Variants in LIN7C observed in about 807,000 individuals in gnomAD.
The protein encoded by LIN7C is lin-7 cell polarity scaffold C.
A neutral mutation model predicts 24.7 loss-of-function variants in LIN7C; 17 were observed. The ratio of observed to expected loss-of-function variants is 0.69; its 90% CI spans 0.47 to 1.03. The LOEUF is 1.03. Among genes scored for constraint, LIN7C ranks in the 50% least tolerant of loss-of-function variants. LIN7C has a pLI of 0.00. For synonymous variants in LIN7C, 90 were observed against 83.4 expected (o/e 1.08, Z -0.43); for missense variants, 204 against 239.0 (o/e 0.85, Z 0.97).
chr11:27,496,355 A>G lies in LIN7C; in HGVS notation c.*2294T>C, dbSNP rs1247422472. 1 of 152,188 alleles carries G rather than the reference A, an allele frequency of 6.6e-6. No homozygotes were observed. Among genetic ancestry groups the G allele is most frequent in the East Asian group, 1.9e-4 (1 of 5,196 alleles). 9.4% of individuals were successfully genotyped at this position (152,188 alleles called of 1,614,324 possible). A position where few individuals can be genotyped will look rare whatever the true frequency, so the allele number is the denominator to read the frequency against. On this transcript the variant is annotated 3_prime_UTR_variant, in exon 5 of 5. Transcript: ENST00000278193. ...TTTACAAATCAAACATCTATCATAC[A>G]CTTACTATGTACCTAGTTTTATTCA...
At position 27,494,941 on chromosome 11, in the gene LIN7C, C is replaced by T. The variant is rs1213133170; in HGVS notation, c.*3708G>A. The T allele has an allele frequency of 2.0e-5, 3 of 152,512 alleles. No individual in the cohort carries two copies. The highest frequency in any genetic ancestry group is 6.5e-5 in the Admixed American group (1 of 15,282). 9.4% of individuals were successfully genotyped at this position (152,512 alleles called of 1,614,324 possible). A position where few individuals can be genotyped will look rare whatever the true frequency, so the allele number is the denominator to read the frequency against. On this transcript the variant is annotated 3_prime_UTR_variant, in exon 5 of 5. Transcript: ENST00000278193. Reference sequence around the variant, plus strand: ...TTCAGGAAATACAATTACTAGAATCCTTGATATTTCAATGATCATTCCACA... The same window carrying T: ...TTCAGGAAATACAATTACTAGAATCTTTGATATTTCAATGATCATTCCACA...
chr11:27,504,058 T>C (rs762177934), intron 1 of LIN7C, among the ~76,000 whole-genome samples: 1 of 152,172 alleles, frequency 6.6e-6, no homozygotes, highest in African/African-American at 2.4e-5. Flanking sequence ...CCTCAAGTGA[T>C]CTGCTTGCCT....
In LIN7C at chr11:27,498,340, T is replaced by A. The variant is rs1450016294; in HGVS notation, c.*309A>T. 4.8e-6 allele frequency: 1 copy of A among 209,098 alleles called. No individual in the cohort carries two copies. The highest frequency in any genetic ancestry group is 9.4e-6 in the Non-Finnish European group (1 of 106,906). 13.0% of individuals were successfully genotyped at this position (209,098 alleles called of 1,614,324 possible). On this transcript the variant is annotated 3_prime_UTR_variant, in exon 5 of 5. Transcript: ENST00000278193. ...AAAAGATTAAGAATGTAAAAGTACA[T>A]TTTAATATTAAAAAAGCATTTTAAA...
rs1865179877 is a variant in LIN7C, at chr11:27,497,155, G to C, written c.*1494C>G. 1 of 152,426 alleles carries C rather than the reference G, an allele frequency of 6.6e-6. No homozygotes were observed. Among genetic ancestry groups the C allele is most frequent in the African/African-American group, 2.4e-5 (1 of 41,410 alleles). The allele number at this position is 152,426 out of a possible 1,614,324, so 9.4% of individuals were successfully genotyped here. A position where few individuals can be genotyped will look rare whatever the true frequency, so the allele number is the denominator to read the frequency against. On this transcript the variant is annotated 3_prime_UTR_variant, in exon 5 of 5. Transcript: ENST00000278193. ...AACAATGCTGATTGACTTTTATTTTGAAAAATCATTGAAAACTGGAATAAT... is the reference window on the plus strand; with the variant it reads ...AACAATGCTGATTGACTTTTATTTTCAAAAATCATTGAAAACTGGAATAAT...
intron 1 of LIN7C, among the ~76,000 whole-genome samples, chr11:27,503,501 G>A (rs1188034149): frequency 6.6e-6 from 1 of 152,072 alleles, no homozygotes; most frequent in Non-Finnish European, 1.5e-5. Flanking sequence ...ATGAATAAAT[G>A]TAGTAAAGAA....
rs961938027 is a variant in LIN7C at position 27,496,618 on chromosome 11, G to A, written c.*2031C>T. On this transcript the variant is annotated 3_prime_UTR_variant, in exon 5 of 5. Coordinates refer to ENST00000278193, the MANE Select transcript of LIN7C (RefSeq NM_018362.4). ...ACCCTTATTTTAAGAATTATAAATA[G>A]GTGTCAACCCACACAAAGAACAGAT... The A allele has an allele frequency of 8.5e-5, 13 of 152,074 alleles. No homozygotes were observed. Among genetic ancestry groups the A allele is most frequent in the African/African-American group, 3.1e-4 (13 of 41,414 alleles). 9.4% of individuals were successfully genotyped at this position (152,074 alleles called of 1,614,324 possible).
chr11:27,498,564 A>G lies in LIN7C; in HGVS notation c.*85T>C. 1.6e-6 allele frequency: 2 copies of G among 1,229,318 alleles called. No homozygotes were observed. Among genetic ancestry groups the G allele is most frequent in the South Asian group, 2.8e-5 (2 of 71,790 alleles). The allele number at this position is 1,229,318 out of a possible 1,614,324, so 76.2% of individuals were successfully genotyped here. A position where few individuals can be genotyped will look rare whatever the true frequency, so the allele number is the denominator to read the frequency against. Reference sequence around the variant, plus strand: ...TGATAAATTTGTTTGTTTTCTTACAATCATTGGCATTGCAGCCATTAGTAA... The same window carrying G: ...TGATAAATTTGTTTGTTTTCTTACAGTCATTGGCATTGCAGCCATTAGTAA... On this transcript the variant is annotated 3_prime_UTR_variant, in exon 5 of 5. Transcript: ENST00000278193.
rs773058869 is a variant in LIN7C, at chr11:27,498,752, T to C, written c.491A>G (p.Gln164Arg). 5 of 1,613,944 alleles carry C rather than the reference T, an allele frequency of 3.1e-6. No individual in the cohort carries two copies. Among genetic ancestry groups the C allele is most frequent in the African/African-American group, 1.3e-5 (1 of 74,904 alleles). Residue 164 changes from glutamine (Q) to arginine (R), a missense_variant, in exon 5 of 5, where the codon CAA becomes CGA. By Grantham distance (43) the Gln-to-Arg change is conservative. Coordinates refer to ENST00000278193, the MANE Select transcript of LIN7C (RefSeq NM_018362.4). ...TCGTACCACTAATTTAACCTTTCCTTGTGCGGCTTTCAGCAGTTCTACAGC... is the reference window on the plus strand; with the variant it reads ...TCGTACCACTAATTTAACCTTTCCTCGTGCGGCTTTCAGCAGTTCTACAGC... Reference protein sequence around the residue: ...EKAVELLKAAQGKVKLVVRYT... With the variant: ...EKAVELLKAARGKVKLVVRYT...
intron 3 of LIN7C, among the ~76,000 whole-genome samples, chr11:27,499,999 G>A (rs1317698749): frequency 1.3e-5 from 2 of 152,190 alleles, no homozygotes; most frequent in African/African-American, 4.8e-5. Context: ...ATTCACTGGT[G>A]ATTCTGAGAA....
In LIN7C at chr11:27,498,634, A is replaced by C; in HGVS notation, c.*15T>G. 6.2e-7 allele frequency: 1 copy of C among 1,600,448 alleles called. No individual in the cohort carries two copies. The highest frequency in any genetic ancestry group is 8.5e-7 in the Non-Finnish European group (1 of 1,173,840). ...TAGCTAAAACGCAAAATGAAATATC[A>C]AGTTTTGAAATGTATTAGGTCTGTT... On this transcript the variant is annotated 3_prime_UTR_variant, in exon 5 of 5. Coordinates refer to ENST00000278193, the MANE Select transcript of LIN7C (RefSeq NM_018362.4).
rs1256154329 is a variant in LIN7C, at chr11:27,495,676, C to T, written c.*2973G>A. On this transcript the variant is annotated 3_prime_UTR_variant, in exon 5 of 5. Coordinates refer to ENST00000278193, the MANE Select transcript of LIN7C (RefSeq NM_018362.4). ...CACGTATTTTTGTAAGTTTTAAAGG[C>T]AAAGGGGGCAGAATGATGACAGACA... is the stretch of plus-strand genomic sequence containing the variant. The T allele has an allele frequency of 1.4e-5, 2 of 148,036 alleles. No homozygotes were observed. Among genetic ancestry groups the T allele is most frequent in the African/African-American group, 2.5e-5 (1 of 39,882 alleles). The allele number at this position is 148,036 out of a possible 1,614,324, so 9.2% of individuals were successfully genotyped here.
chr11:27,503,055 C>T (rs1207311727), intron 1 of LIN7C, among the ~76,000 whole-genome samples: 1 of 152,142 alleles, frequency 6.6e-6, no homozygotes, highest in Non-Finnish European at 1.5e-5. Context: ...GTGGAGGTTG[C>T]AGTGAGCTGA....
chr11:27,502,818 A>C (rs1024706760), intron 1 of LIN7C, among the ~76,000 whole-genome samples: 1 of 152,252 alleles, frequency 6.6e-6, no homozygotes, highest in African/African-American at 2.4e-5. Context: ...CCAATTAATC[A>C]TAAGAAATAT....
intron 1 of LIN7C, among the ~76,000 whole-genome samples, chr11:27,502,808 C>T (rs1865238472): frequency 6.6e-6 from 1 of 152,262 alleles, no homozygotes; most frequent in East Asian, 1.9e-4. Flanking sequence ...TACATTGGTA[C>T]CAATTAATCA....
At position 27,494,530 on chromosome 11, in the gene LIN7C, A is replaced by G. The variant is rs1476087045; in HGVS notation, c.*4119T>C. ...TACATACCTTTCATAAACGTTATCTATTGTGTAGTTATATCAACTTTTTTC... is the reference window on the plus strand; with the variant it reads ...TACATACCTTTCATAAACGTTATCTGTTGTGTAGTTATATCAACTTTTTTC... On this transcript the variant is annotated 3_prime_UTR_variant, in exon 5 of 5. Coordinates refer to ENST00000278193, the MANE Select transcript of LIN7C (RefSeq NM_018362.4). The G allele has an allele frequency of 6.6e-6, 1 of 152,208 alleles. No homozygotes were observed. Among genetic ancestry groups the G allele is most frequent in the Non-Finnish European group, 1.5e-5 (1 of 68,030 alleles). 9.4% of individuals were successfully genotyped at this position (152,208 alleles called of 1,614,324 possible).
chr11:27,500,325 A>G (rs1865212228), intron 3 of LIN7C, among the ~76,000 whole-genome samples: 1 of 152,186 alleles, frequency 6.6e-6, no homozygotes, highest in Non-Finnish European at 1.5e-5. Context: ...TTGCCCTTAT[A>G]TGTAATCATT....
intron 1 of LIN7C, among the ~76,000 whole-genome samples, chr11:27,504,038 A>G (rs35624426): frequency 0.057 from 8,715 of 152,026 alleles, 559 homozygotes; most frequent in East Asian, 0.23. Context: ...GGCTAGTCTC[A>G]AACTCCTGAC....
chr11:27,499,324 A>G (rs1209258050), intron 4 of LIN7C, 35 bp downstream of exon 4: 4 of 1,580,144 alleles, frequency 2.5e-6, no homozygotes, highest in Non-Finnish European at 3.5e-6. Context: ...TGGTCACAAC[A>G]GATCACTACA....
rs754864719 is a variant in LIN7C at position 27,501,584 on chromosome 11, A to G, written c.157-18T>C. The G allele has an allele frequency of 2.1e-5, 27 of 1,279,426 alleles. No individual in the cohort carries two copies. The highest frequency in any genetic ancestry group is 6.1e-5 in the African/African-American group (4 of 65,436). The allele number at this position is 1,279,426 out of a possible 1,614,324, so 79.3% of individuals were successfully genotyped here. ...TCATATACCTGTAAAAGCCAAAGTT[A>G]TATCTCAGAATATACCATGCTTGAG... On this transcript the variant is annotated intron_variant, in intron 2 of 4. Coordinates refer to ENST00000278193, the MANE Select transcript of LIN7C (RefSeq NM_018362.4).
Sources: allele counts gnomAD v4.1 joint callset (sites outside exome capture counted in the v4.1 genomes callset), GRCh38; gene constraint gnomAD v4.1.1; transcripts MANE v1.5; gene names NCBI Gene and HGNC (gene_info 2026-07-23, HGNC 2026-07-21).